Variants in AGBL4 observed in about 807,000 individuals in gnomAD.
AGBL4 encodes AGBL carboxypeptidase 4, also known as cytosolic carboxypeptidase 6.
Under a neutral mutation model 66.4 loss-of-function variants are expected in AGBL4, and 58 were observed. The observed-to-expected ratio is 0.87, with a 90% CI of 0.71 to 1.09. The LOEUF (loss-of-function observed/expected upper bound fraction) is 1.09. AGBL4 is among the 50% of genes least tolerant of loss of function. The pLI, the probability that AGBL4 is intolerant of heterozygous loss-of-function variation, is 0.00. For synonymous variants in AGBL4, 234 were observed against 222.9 expected (o/e 1.05, Z -0.44); for missense variants, 579 against 631.0 (o/e 0.92, Z 0.88).
At chr1:49,936,267 C>T (rs555137319) in intron 1 of AGBL4, among the ~76,000 whole-genome samples, 8 of 151,920 alleles carry the variant, frequency 5.3e-5, no homozygotes, top group Non-Finnish European at 1.5e-5. Flanking sequence ...TGAAATGAAG[C>T]AAGAAGGGAA....
chr1:49,855,399 T>A (rs1454480558), intron 1 of AGBL4, among the ~76,000 whole-genome samples: 1 of 152,142 alleles, frequency 6.6e-6, no homozygotes, highest in Non-Finnish European at 1.5e-5. Context: ...ATAGACCAAA[T>A]GGACATAACA....
At chr1:49,238,204 T>G (rs1650939261) in intron 4 of AGBL4, among the ~76,000 whole-genome samples, 1 of 152,184 alleles carries the variant, frequency 6.6e-6, no homozygotes, top group Non-Finnish European at 1.5e-5. Context: ...GTTTCTCAAA[T>G]TTGTAGGTTT....
chr1:49,613,616 G>A (rs1426221934), intron 3 of AGBL4, among the ~76,000 whole-genome samples: 1 of 152,174 alleles, frequency 6.6e-6, no homozygotes, highest in Non-Finnish European at 1.5e-5. Context: ...TAGGTTATGA[G>A]AATCTAATGC....
intron 5 of AGBL4, among the ~76,000 whole-genome samples, chr1:48,990,949 AT>A (rs1660557875): frequency 1.3e-5 from 2 of 152,154 alleles, no homozygotes; most frequent in South Asian, 4.2e-4. Context: ...TGTAGTTATT[AT>A]TTTTGATTGG....
intron 3 of AGBL4, among the ~76,000 whole-genome samples, chr1:49,474,350 G>GGT (rs1646806873): frequency 6.6e-6 from 1 of 151,824 alleles, no homozygotes; most frequent in East Asian, 1.9e-4. Context: ...TCACTTCCTT[G>GGT]GTTATATGTA....
rs72904812 is a variant in AGBL4, at chr1:48,715,942, G to T, written c.635-52701C>A. ...GGGCCCCAGAGCATTTTCACAGGGG[G>T]AAGGGTGAGCTACATCCCTTGAGGA... On this transcript the variant is annotated intron_variant, in intron 6 of 13. Coordinates refer to ENST00000371839, the MANE Select transcript of AGBL4 (RefSeq NM_032785.4). 6.0e-3 allele frequency among the ~76,000 whole-genome samples: 910 copies of T among 152,228 alleles called. 5 individuals are homozygous for T. The highest frequency in any genetic ancestry group is 0.02 in the African/African-American group (834 of 41,520).
At chr1:48,689,901 T>C (rs1646601878) in intron 6 of AGBL4, among the ~76,000 whole-genome samples, 1 of 152,214 alleles carries the variant, frequency 6.6e-6, no homozygotes, top group African/African-American at 2.4e-5. Flanking sequence ...TGAGAGACCC[T>C]GTCTGAAAAG....
intron 2 of AGBL4, among the ~76,000 whole-genome samples, chr1:49,701,189 G>C (rs1222316383): frequency 6.6e-6 from 1 of 151,978 alleles, no homozygotes; most frequent in Non-Finnish European, 1.5e-5. Flanking sequence ...GTACATGGGA[G>C]GCTTAGGCAG....
At chr1:49,536,688 T>C (rs1010434974) in intron 3 of AGBL4, among the ~76,000 whole-genome samples, 1 of 152,148 alleles carries the variant, frequency 6.6e-6, no homozygotes, top group Non-Finnish European at 1.5e-5. Context: ...TAGCATGGTA[T>C]TGGTATAAAA....
chr1:49,751,260 A>C (rs1297862221), intron 2 of AGBL4, among the ~76,000 whole-genome samples: 1 of 152,194 alleles, frequency 6.6e-6, no homozygotes, highest in African/African-American at 2.4e-5. Context: ...ACATTCCATC[A>C]ATACCTAGTT....
At chr1:49,944,137 G>A (rs1181733913) in intron 1 of AGBL4, among the ~76,000 whole-genome samples, 1 of 151,796 alleles carries the variant, frequency 6.6e-6, no homozygotes, top group African/African-American at 2.4e-5. Context: ...GAAGACAAAC[G>A]GCATACACCC....
At chr1:49,114,113 T>C (rs987282055) in intron 4 of AGBL4, among the ~76,000 whole-genome samples, 3 of 152,342 alleles carry the variant, frequency 2.0e-5, no homozygotes, top group Non-Finnish European at 2.9e-5. Context: ...GAAAGTCCTA[T>C]ATGACATCTT....
At chr1:48,811,884 A>G (rs1366792288) in intron 6 of AGBL4, among the ~76,000 whole-genome samples, 1 of 152,188 alleles carries the variant, frequency 6.6e-6, no homozygotes, top group Non-Finnish European at 1.5e-5. Flanking sequence ...ATCTCTGATC[A>G]CAGCCCAAGA....
chr1:48,554,100 A>G (rs567157962), intron 11 of AGBL4, among the ~76,000 whole-genome samples: 1 of 152,248 alleles, frequency 6.6e-6, no homozygotes, highest in Non-Finnish European at 1.5e-5. Flanking sequence ...TTTTCCTGGG[A>G]AGCATCAAAT....
At position 49,554,375 on chromosome 1, in the gene AGBL4, A is replaced by AT. The variant is rs138901616; in HGVS notation, c.282+142937dup. Among the ~76,000 whole-genome samples the AT allele has an allele frequency of 2.6e-3, 387 of 151,434 alleles. 8 individuals are homozygous for AT. The South Asian group carries it at 0.041, about 16-fold the overall frequency. On this transcript the variant is annotated intron_variant, in intron 3 of 13. Transcript: ENST00000371839. ...GGAAGAGCCTTGAAAATGCAAACAC[A>AT]TTTTTTTTTATACTGAGCACAGATA...
At chr1:49,579,649 G>T (rs1357214340) in intron 3 of AGBL4, among the ~76,000 whole-genome samples, 2 of 152,074 alleles carry the variant, frequency 1.3e-5, no homozygotes, top group African/African-American at 2.4e-5. Flanking sequence ...ACAGGCGCCT[G>T]TCACCGTGCC....
At chr1:49,010,101 A>G (rs1662267121) in intron 5 of AGBL4, among the ~76,000 whole-genome samples, 1 of 152,226 alleles carries the variant, frequency 6.6e-6, no homozygotes, top group Non-Finnish European at 1.5e-5. Flanking sequence ...CCCTCTTTGC[A>G]GACGACATGA....
chr1:49,217,237 C>G (rs776499433), intron 4 of AGBL4, among the ~76,000 whole-genome samples: 7 of 152,052 alleles, frequency 4.6e-5, no homozygotes, highest in East Asian at 1.9e-4. Flanking sequence ...GTGTTTAAAG[C>G]CTTTTAGCAG....
intron 3 of AGBL4, among the ~76,000 whole-genome samples, chr1:49,505,133 A>T (rs920913097): frequency 1.2e-4 from 18 of 151,846 alleles, no homozygotes; most frequent in African/African-American, 4.1e-4. Flanking sequence ...TTTCACTCCA[A>T]CTCCCATTTT....
Sources: allele counts gnomAD v4.1 joint callset (sites outside exome capture counted in the v4.1 genomes callset), GRCh38; gene constraint gnomAD v4.1.1; transcripts MANE v1.5; gene names NCBI Gene and HGNC (gene_info 2026-07-23, HGNC 2026-07-21).